The following USP34 variants were observed in gnomAD, a reference collection of about 807,000 sequenced individuals.
USP34 encodes ubiquitin carboxyl-terminal hydrolase 34.
USP34 carries 70 observed loss-of-function variants against 460.3 expected under a neutral mutation model. The ratio of observed to expected loss-of-function variants is 0.15; its 90% CI spans 0.13 to 0.19. USP34 has a LOEUF of 0.19. USP34 is among the 10% of genes least tolerant of loss of function. The probability of loss-of-function intolerance (pLI) is 1.00; values close to 1 mark genes in which losing one functional copy is unlikely to be tolerated. For missense variants in USP34, 3,985 were observed against 4,236.2 expected (o/e 0.94, Z 1.65); for synonymous variants, 1,647 against 1,405.3 (o/e 1.17, Z -3.85).
chr2:61,362,270 G>A (rs1692298782), intron 10 of USP34, among the ~76,000 whole-genome samples: 1 of 152,012 alleles, frequency 6.6e-6, no homozygotes, highest in Admixed American at 6.6e-5. Context: ...AAATTAAACA[G>A]AACTATCTTA....
At chr2:61,411,617 G>C (rs1470109883) in intron 2 of USP34, among the ~76,000 whole-genome samples, 1 of 152,080 alleles carries the variant, frequency 6.6e-6, no homozygotes. Flanking sequence ...TATGCTGATA[G>C]CTGTCATCTT....
chr2:61,335,406 T>C (rs191230381), intron 18 of USP34, among the ~76,000 whole-genome samples: 2 of 152,242 alleles, frequency 1.3e-5, no homozygotes, highest in Admixed American at 6.5e-5. Context: ...CCAAAACACA[T>C]AATCCTAGGC....
At chr2:61,315,940 C>G (rs944485183) in intron 23 of USP34, among the ~76,000 whole-genome samples, 4 of 151,930 alleles carry the variant, frequency 2.6e-5, no homozygotes, top group Non-Finnish European at 5.9e-5. Flanking sequence ...TGGCTCACGC[C>G]TCTAATTGCA....
chr2:61,349,060 A>G (rs146636373), intron 13 of USP34, among the ~76,000 whole-genome samples, 174 bp from the exon 14 acceptor site: 35 of 152,354 alleles, frequency 2.3e-4, no homozygotes, highest in African/African-American at 7.7e-4. Flanking sequence ...AAGATGTAAG[A>G]TTCAATTAAA....
chr2:61,465,902 G>A (rs757293997), intron 1 of USP34, among the ~76,000 whole-genome samples: 15 of 152,014 alleles, frequency 9.9e-5, no homozygotes, highest in Non-Finnish European at 1.5e-4. Context: ...GCGTGAACCC[G>A]GGAGGCGGAG....
At chr2:61,319,589 A>T (rs1690851677) in intron 21 of USP34, among the ~76,000 whole-genome samples, 1 of 151,010 alleles carries the variant, frequency 6.6e-6, no homozygotes, top group Non-Finnish European at 1.5e-5. Flanking sequence ...TCCCATCTGT[A>T]ATCCTAGCAC....
At chr2:61,469,952 T>C (rs976547149) in intron 1 of USP34, among the ~76,000 whole-genome samples, 4 of 152,154 alleles carry the variant, frequency 2.6e-5, no homozygotes, top group Admixed American at 1.3e-4. Flanking sequence ...CCAAGAGAGA[T>C]AGGCCATAAC....
At position 61,350,633 on chromosome 2, in the gene USP34, G is replaced by C; in HGVS notation, c.1312C>G (p.Pro438Ala). ...TTAAGTAGATGTCTAAGTGGTACGG[G>C]ATCCAAATTCTTGATGAGTGAAGGA... ...LFPSLIKNLD[P>A]VPLRHLLNLV... The change falls in exon 11 of 80, where the codon CCC becomes GCC. Residue 438 changes from proline (P) to alanine (A), a missense_variant. Transcript: ENST00000398571. 6.2e-7 allele frequency: 1 copy of C among 1,613,790 alleles called. No individual in the cohort carries two copies. The highest frequency in any genetic ancestry group is 1.3e-5 in the African/African-American group (1 of 75,008).
rs997921644 is a variant in USP34 at position 61,313,235 on chromosome 2, AT to A, written c.3543-1326del. ...ATAAAAAGATATCAAGGACATAACA[AT>A]TTTTTTTTTCACAACAGAAAAAAAT... On this transcript the variant is annotated intron_variant, in intron 25 of 79. Coordinates refer to ENST00000398571, the MANE Select transcript of USP34 (RefSeq NM_014709.4). Among the ~76,000 whole-genome samples the A allele has an allele frequency of 1.7e-4, 26 of 150,952 alleles. No homozygotes were observed. In the East Asian group the frequency reaches 3.1e-3, roughly 18 times the overall value.
chr2:61,235,516 G>C (rs1460164899), intron 57 of USP34, among the ~76,000 whole-genome samples: 1 of 151,870 alleles, frequency 6.6e-6, no homozygotes, highest in Non-Finnish European at 1.5e-5. Flanking sequence ...AGTAGAGACA[G>C]TGTTTCACCA....
At chr2:61,412,087 G>A (rs1324739758) in intron 2 of USP34, among the ~76,000 whole-genome samples, 2 of 151,440 alleles carry the variant, frequency 1.3e-5, no homozygotes, top group African/African-American at 2.4e-5. Context: ...TACTTGGGAG[G>A]CTGAGGCAGG....
rs1204037686 is a variant in USP34, at chr2:61,187,993, G to T, written c.*109C>A. 2.0e-6 allele frequency: 3 copies of T among 1,488,082 alleles called. No individual in the cohort carries two copies. The Admixed American group carries it at 7.7e-5, about 38-fold the overall frequency. 92.2% of individuals were successfully genotyped at this position (1,488,082 alleles called of 1,614,324 possible). ...CCTATAAATCTATCTTGCCATTCAA[G>T]CAGAGAGCACTGGACAAACTGAAGC... On this transcript the variant is annotated 3_prime_UTR_variant, in exon 80 of 80. Transcript: ENST00000398571.
intron 33 of USP34, among the ~76,000 whole-genome samples, chr2:61,290,746 A>G (rs138893802): frequency 6.6e-6 from 1 of 152,312 alleles, no homozygotes; most frequent in African/African-American, 2.4e-5. Context: ...ACTCTTTAAA[A>G]TGAGTGCATT....
intron 1 of USP34, among the ~76,000 whole-genome samples, chr2:61,442,861 A>G (rs1390865077): frequency 2.6e-5 from 4 of 151,824 alleles, no homozygotes; most frequent in Non-Finnish European, 4.4e-5. Context: ...CTACGTGTTC[A>G]ACGATAGATG....
In USP34 at chr2:61,470,753, G is replaced by T; in HGVS notation, c.-61C>A. On this transcript the variant is annotated 5_prime_UTR_variant, in exon 1 of 80. Transcript: ENST00000398571. ...ATCACACTGACTGATCCCGACCGGCGGGGGGGAGGGGAGAGAGGCGGAGGA... is the reference window on the plus strand; with the variant it reads ...ATCACACTGACTGATCCCGACCGGCTGGGGGGAGGGGAGAGAGGCGGAGGA... 1 of 1,425,984 alleles carries T rather than the reference G, an allele frequency of 7.0e-7. No individual in the cohort carries two copies. Among genetic ancestry groups the T allele is most frequent in the Non-Finnish European group, 9.6e-7 (1 of 1,038,062 alleles). 88.3% of individuals were successfully genotyped at this position (1,425,984 alleles called of 1,614,324 possible).
intron 62 of USP34, 166 bp from the exon 63 acceptor site, chr2:61,223,462 A>G: frequency 1.5e-6 from 1 of 646,282 alleles, no homozygotes. Flanking sequence ...CTTTTGGGCA[A>G]CTTTTCAACA....
At chr2:61,390,387 C>A (rs1161340557) in intron 5 of USP34, among the ~76,000 whole-genome samples, 1 of 152,186 alleles carries the variant, frequency 6.6e-6, no homozygotes, top group Non-Finnish European at 1.5e-5. Context: ...AACTTGTATG[C>A]CTCCATGTTC....
At chr2:61,245,904 C>A (rs1473338007) in intron 50 of USP34, among the ~76,000 whole-genome samples, 3 of 152,116 alleles carry the variant, frequency 2.0e-5, no homozygotes, top group South Asian at 2.1e-4. Flanking sequence ...TGACTTCCAA[C>A]CATTAACTTG....
intron 6 of USP34, 112 bp downstream of exon 6, chr2:61,383,157 T>C (rs928899775): frequency 1.8e-5 from 11 of 628,558 alleles, no homozygotes; most frequent in Non-Finnish European, 2.0e-5. Context: ...TACTTGAAAT[T>C]TTCTCTAGAG....
Sources: allele counts gnomAD v4.1 joint callset (sites outside exome capture counted in the v4.1 genomes callset), GRCh38; gene constraint gnomAD v4.1.1; transcripts MANE v1.5; gene names NCBI Gene and HGNC (gene_info 2026-07-23, HGNC 2026-07-21).